CTAGE1: variants seen among roughly 807,000 people sequenced by gnomAD.
CTAGE1 encodes cutaneous T cell lymphoma-associated antigen 1.
For synonymous variants in CTAGE1, 332 were observed against 302.8 expected (o/e 1.10, Z -1.00); for missense variants, 963 against 855.9 (o/e 1.13, Z -1.56).
Position 22,416,219 on chromosome 18 carries a change from T to C in CTAGE1, c.1593A>G (p.Pro531=), listed in dbSNP as rs1338113903. 1.2e-6 allele frequency: 2 copies of C among 1,613,838 alleles called. No individual in the cohort carries two copies. Among genetic ancestry groups the C allele is most frequent in the Admixed American group, 1.7e-5 (1 of 59,990 alleles). The change falls in exon 1 of 1, where the codon CCA becomes CCG. Residue 531 remains proline, a synonymous_variant. Coordinates refer to ENST00000391403, the MANE Select transcript of CTAGE1 (RefSeq NM_172241.3). ...PRGGGRGSRG[P]GNPPDHQITK... ...TAATCTGATGGTCCGGAGGATTCCC[T>C]GGGCCTCTGGAGCCTCTTCCTCCTC...
chr18:22,415,290 C>T lies in CTAGE1; in HGVS notation c.*284G>A, dbSNP rs1276787640. ...TGGATTAATCAAATTAAAAGTTATA[C>T]TATCTAGAATAAAATAAAATGAAAT... On this transcript the variant is annotated 3_prime_UTR_variant, in exon 1 of 1. Transcript: ENST00000391403. 2 of 333,636 alleles carry T rather than the reference C, an allele frequency of 6.0e-6. No homozygotes were observed. The highest frequency in any genetic ancestry group is 1.1e-4 in the East Asian group (2 of 18,220). The allele number at this position is 333,636 out of a possible 1,614,324, so 20.7% of individuals were successfully genotyped here. A position where few individuals can be genotyped will look rare whatever the true frequency, so the allele number is the denominator to read the frequency against.
In CTAGE1 at chr18:22,416,120, C is replaced by T. The variant is rs1335130484; in HGVS notation, c.1692G>A (p.Leu564=). 5.0e-6 allele frequency: 8 copies of T among 1,613,816 alleles called. No homozygotes were observed. The highest frequency in any genetic ancestry group is 6.8e-6 in the Non-Finnish European group (8 of 1,179,864). ...TATAGTCCTGTTCCCACGGAGGTGC[C>T]AGGGGCCCAGCGTCAGAAGGAGCCC... ...PHRAPSDAGP[L]APPWEQDYRM... Residue 564 remains leucine, a synonymous_variant, in exon 1 of 1, where the codon CTG becomes CTA. Transcript: ENST00000391403.
Position 22,415,335 on chromosome 18 carries a change from T to C in CTAGE1, c.*239A>G. On this transcript the variant is annotated 3_prime_UTR_variant, in exon 1 of 1. Transcript: ENST00000391403. ...TGAAATAATTTACTCATAAGATTCA[T>C]ATTTAAATCATCCTCATTTACAAAA... 2.2e-6 allele frequency: 1 copy of C among 459,326 alleles called. No homozygotes were observed. The highest frequency in any genetic ancestry group is 3.5e-5 in the East Asian group (1 of 28,492). The allele number at this position is 459,326 out of a possible 1,614,324, so 28.5% of individuals were successfully genotyped here. A position where few individuals can be genotyped will look rare whatever the true frequency, so the allele number is the denominator to read the frequency against.
chr18:22,415,339 T>C lies in CTAGE1; in HGVS notation c.*235A>G. The C allele has an allele frequency of 2.1e-6, 1 of 465,824 alleles. No homozygotes were observed. Among genetic ancestry groups the C allele is most frequent in the Non-Finnish European group, 3.8e-6 (1 of 263,520 alleles). The allele number at this position is 465,824 out of a possible 1,614,324, so 28.9% of individuals were successfully genotyped here. On this transcript the variant is annotated 3_prime_UTR_variant, in exon 1 of 1. Coordinates refer to ENST00000391403, the MANE Select transcript of CTAGE1 (RefSeq NM_172241.3). ...ATAATTTACTCATAAGATTCATATT[T>C]AAATCATCCTCATTTACAAAATACT...
Position 22,415,823 on chromosome 18 carries a change from T to C in CTAGE1, c.1989A>G (p.Pro663=), listed in dbSNP as rs1303530896. 7 of 1,613,798 alleles carry C rather than the reference T, an allele frequency of 4.3e-6. No individual in the cohort carries two copies. The highest frequency in any genetic ancestry group is 5.9e-6 in the Non-Finnish European group (7 of 1,179,826). ...NEATGPGFVP[P]PLAPIRGLLF... is the part of the protein sequence containing the mutation. ...ATAAACCTCTGATTGGAGCAAGAGG[T>C]GGAGGAACAAAGCCAGGGCCAGTTG... Residue 663 remains proline, a synonymous_variant, in exon 1 of 1, where the codon CCA becomes CCG. Coordinates refer to ENST00000391403, the MANE Select transcript of CTAGE1 (RefSeq NM_172241.3).
Position 22,415,613 on chromosome 18 carries a change from G to T in CTAGE1, c.2199C>A (p.Pro733=), listed in dbSNP as rs1419059463. The change falls in exon 1 of 1, where the codon CCC becomes CCA. Residue 733 remains proline (P), a synonymous_variant. Coordinates refer to ENST00000391403, the MANE Select transcript of CTAGE1 (RefSeq NM_172241.3). ...CTGGGGGGAAAAATGCAGGTCTTGG[G>T]GGACGGTAAGGAAGAAAACCTCTCG... is the stretch of plus-strand genomic sequence containing the variant. The part of the protein sequence containing the change: ...YLPRGFLPYR[P]PRPAFFPPAP... 1.2e-6 allele frequency: 2 copies of T among 1,613,010 alleles called. No homozygotes were observed. The highest frequency in any genetic ancestry group is 1.7e-6 in the Non-Finnish European group (2 of 1,179,476).
chr18:22,416,923 T>C lies in CTAGE1; in HGVS notation c.889A>G (p.Lys297Glu), dbSNP rs2035022225. 1 of 1,613,904 alleles carries C rather than the reference T, an allele frequency of 6.2e-7. No individual in the cohort carries two copies. Among genetic ancestry groups the C allele is most frequent in the Admixed American group, 1.7e-5 (1 of 60,010 alleles). ...IHAAKLNASL[K>E]TLEGERNQIY... ...TGGTTTCTTTCTCCTTCTAAGGTTT[T>C]TAAGGAAGCATTTAACTTAGCAGCA... Residue 297 changes from lysine to glutamate, a missense_variant, in exon 1 of 1, where the codon AAA becomes GAA. By Grantham distance (56) the Lys-to-Glu change is moderately conservative. Transcript: ENST00000391403.
At position 22,417,722 on chromosome 18, in the gene CTAGE1, C is replaced by T; in HGVS notation, c.90G>A (p.Trp30Ter). The part of the protein sequence containing the change: ...VAGFFAVLFL[W>*]RSFRSVTSRL... ...GACTCGTAACTGATCTAAAACTTCT[C>T]CACAAGAAGAGAACAGCAAAAAATC... is the stretch of plus-strand genomic sequence containing the variant. Residue 30 changes from tryptophan to a stop codon, truncating the protein, a stop_gained, in exon 1 of 1, where the codon TGG becomes TGA. Transcript: ENST00000391403. LOFTEE classifies it low-confidence loss of function (END_TRUNC). The T allele has an allele frequency of 6.2e-7, 1 of 1,614,156 alleles. No individual in the cohort carries two copies. The highest frequency in any genetic ancestry group is 8.5e-7 in the Non-Finnish European group (1 of 1,180,000).
chr18:22,417,593 A>G lies in CTAGE1; in HGVS notation c.219T>C (p.Tyr73=), dbSNP rs1025125992. The G allele has an allele frequency of 2.5e-6, 4 of 1,613,854 alleles. No homozygotes were observed. In the African/African-American group the frequency reaches 5.3e-5, roughly 22 times the overall value. The change falls in exon 1 of 1, where the codon TAT becomes TAC. Residue 73 remains tyrosine, a synonymous_variant. Coordinates refer to ENST00000391403, the MANE Select transcript of CTAGE1 (RefSeq NM_172241.3). ...LEKFSLVQKE[Y]EGYEVESSLK... Reference sequence around the variant, plus strand: ...AAGATGACTCTACTTCATAGCCTTCATACTCTTTTTGAACAAGGCTAAATT... The same window carrying G: ...AAGATGACTCTACTTCATAGCCTTCGTACTCTTTTTGAACAAGGCTAAATT...
Position 22,414,976 on chromosome 18 carries a change from T to C in CTAGE1, c.*598A>G, listed in dbSNP as rs555498746. 3.3e-6 allele frequency: 2 copies of C among 599,158 alleles called. No homozygotes were observed. Among genetic ancestry groups the C allele is most frequent in the East Asian group, 5.5e-5 (2 of 36,342 alleles). 37.1% of individuals were successfully genotyped at this position (599,158 alleles called of 1,614,324 possible). ...TAAATGTTTTACACTCTCAAAGTAC[T>C]GAAAGAGGATATAAAATCTATAAGA... On this transcript the variant is annotated 3_prime_UTR_variant, in exon 1 of 1. Transcript: ENST00000391403.
chr18:22,417,633 C>A lies in CTAGE1; in HGVS notation c.179G>T (p.Cys60Phe). 1 of 1,613,994 alleles carries A rather than the reference C, an allele frequency of 6.2e-7. No individual in the cohort carries two copies. The highest frequency in any genetic ancestry group is 8.5e-7 in the Non-Finnish European group (1 of 1,179,872). Residue 60 changes from cysteine (C) to phenylalanine (F), a missense_variant, in exon 1 of 1, where the codon TGT (cysteine) becomes TTT (phenylalanine). Physicochemically the swap from Cys to Phe is radical, Grantham distance 205. Transcript: ENST00000391403. ...AAGGCTAAATTTTTCAAGTAGTTTA[C>A]ATTTTTCTTCAATTAGTCCAGAAAG... ...VALSGLIEEK[C>F]KLLEKFSLVQ...
Position 22,417,351 on chromosome 18 carries a change from T to G in CTAGE1, c.461A>C (p.Lys154Thr). 1 of 1,613,996 alleles carries G rather than the reference T, an allele frequency of 6.2e-7. No individual in the cohort carries two copies. Among genetic ancestry groups the G allele is most frequent in the South Asian group, 1.1e-5 (1 of 91,070 alleles). ...CATTTTGGCTTCAGCTACTTGTGAT[T>G]TGAGGGATTTTGACTCATCTTCTAG... ...QSLEDESKSLKSQVAEAKMTF... is the reference protein window; with the variant it reads ...QSLEDESKSLTSQVAEAKMTF... The change falls in exon 1 of 1, where the codon AAA becomes ACA. Residue 154 changes from lysine (K) to threonine (T), a missense_variant. Coordinates refer to ENST00000391403, the MANE Select transcript of CTAGE1 (RefSeq NM_172241.3).
rs1040111743 is a variant in CTAGE1, at chr18:22,417,396, A to G, written c.416T>C (p.Ile139Thr). Residue 139 changes from isoleucine (I) to threonine (T), a missense_variant, in exon 1 of 1, where the codon ATT (isoleucine) becomes ACT (threonine). Physicochemically the swap from Ile to Thr is moderately conservative, Grantham distance 89 (BLOSUM62 -1). Transcript: ENST00000391403. ...TTCTAGCGACTGTATCCTTTTGGAAATATCCGCCATCAATTCATTTTGTTC... is the reference window on the plus strand; with the variant it reads ...TTCTAGCGACTGTATCCTTTTGGAAGTATCCGCCATCAATTCATTTTGTTC... ...HSEQNELMAD[I>T]SKRIQSLEDE... 16 of 1,613,878 alleles carry G rather than the reference A, an allele frequency of 9.9e-6. No individual in the cohort carries two copies. Among genetic ancestry groups the G allele is most frequent in the Non-Finnish European group, 1.4e-5 (16 of 1,179,880 alleles).
In CTAGE1 at chr18:22,417,664, C is replaced by T; in HGVS notation, c.148G>A (p.Val50Met). 1 of 1,614,052 alleles carries T rather than the reference C, an allele frequency of 6.2e-7. No homozygotes were observed. The highest frequency in any genetic ancestry group is 8.5e-7 in the Non-Finnish European group (1 of 1,179,904). ...LYVRREKKFA[V>M]ALSGLIEEKC... ...TCTTCAATTAGTCCAGAAAGTGCCA[C>T]AGCAAACTTTTTCTCTCTTCTCACA... The change falls in exon 1 of 1, where the codon GTG (valine) becomes ATG (methionine). Residue 50 changes from valine to methionine, a missense_variant. By Grantham distance (21) the Val-to-Met change is conservative. Coordinates refer to ENST00000391403, the MANE Select transcript of CTAGE1 (RefSeq NM_172241.3).
rs761703667 is a variant in CTAGE1, at chr18:22,415,969, G to A, written c.1843C>T (p.Pro615Ser). Residue 615 changes from proline to serine, a missense_variant, in exon 1 of 1, where the codon CCT becomes TCT. Pro to Ser is a moderately conservative substitution (Grantham distance 74). Transcript: ENST00000391403. ...GACCCATCCATTTTATCCAAAGAAGGCATATTAAAACTTCTGAGTTCTGCT... is the reference window on the plus strand; with the variant it reads ...GACCCATCCATTTTATCCAAAGAAGACATATTAAAACTTCTGAGTTCTGCT... The part of the protein sequence containing the change: ...GPAELRSFNM[P>S]SLDKMDGSMP... 1.2e-6 allele frequency: 2 copies of A among 1,613,804 alleles called. No homozygotes were observed. Among genetic ancestry groups the A allele is most frequent in the African/African-American group, 2.7e-5 (2 of 74,902 alleles).
At position 22,415,728 on chromosome 18, in the gene CTAGE1, G is replaced by A. The variant is rs764116396; in HGVS notation, c.2084C>T (p.Thr695Ile). Residue 695 changes from threonine (T) to isoleucine (I), a missense_variant, in exon 1 of 1, where the codon ACC (threonine) becomes ATC (isoleucine). Physicochemically the swap from Thr to Ile is moderately conservative, Grantham distance 89 (BLOSUM62 -1). Coordinates refer to ENST00000391403, the MANE Select transcript of CTAGE1 (RefSeq NM_172241.3). Reference protein sequence around the residue: ...GPPFPPPPPGTVFGASPDYFS... With the variant: ...GPPFPPPPPGIVFGASPDYFS... ...ATAATCTGGAGAAGCTCCAAACACG[G>A]TTCCTGGAGGAGGTGGGGGGAAAGG... 1 of 1,613,948 alleles carries A rather than the reference G, an allele frequency of 6.2e-7. No homozygotes were observed. The highest frequency in any genetic ancestry group is 8.5e-7 in the Non-Finnish European group (1 of 1,179,974).
chr18:22,414,662 G>A lies in CTAGE1; in HGVS notation c.*912C>T. 1 of 702,502 alleles carries A rather than the reference G, an allele frequency of 1.4e-6. No homozygotes were observed. Among genetic ancestry groups the A allele is most frequent in the Non-Finnish European group, 2.6e-6 (1 of 384,906 alleles). The allele number at this position is 702,502 out of a possible 1,614,324, so 43.5% of individuals were successfully genotyped here. A position where few individuals can be genotyped will look rare whatever the true frequency, so the allele number is the denominator to read the frequency against. On this transcript the variant is annotated 3_prime_UTR_variant, in exon 1 of 1. Coordinates refer to ENST00000391403, the MANE Select transcript of CTAGE1 (RefSeq NM_172241.3). The stretch of plus-strand genomic sequence containing the variant: ...AGATTTACTCCTTCCCCTTGCCACA[G>A]CAAGAGAAAAGCAGAACATAAAACT...
In CTAGE1 at chr18:22,414,637, A is replaced by T. The variant is rs1442510058; in HGVS notation, c.*937T>A. The T allele has an allele frequency of 1.4e-6, 1 of 700,300 alleles. No individual in the cohort carries two copies. The highest frequency in any genetic ancestry group is 2.6e-6 in the Non-Finnish European group (1 of 384,408). 43.4% of individuals were successfully genotyped at this position (700,300 alleles called of 1,614,324 possible). A position where few individuals can be genotyped will look rare whatever the true frequency, so the allele number is the denominator to read the frequency against. On this transcript the variant is annotated 3_prime_UTR_variant, in exon 1 of 1. Coordinates refer to ENST00000391403, the MANE Select transcript of CTAGE1 (RefSeq NM_172241.3). ...ACCAACTGCAATTAAGCACTATCTT[A>T]GATTTACTCCTTCCCCTTGCCACAG...
rs1385741498 is a variant in CTAGE1, at chr18:22,414,735, G to A, written c.*839C>T. On this transcript the variant is annotated 3_prime_UTR_variant, in exon 1 of 1. Coordinates refer to ENST00000391403, the MANE Select transcript of CTAGE1 (RefSeq NM_172241.3). ...AGGTAAAGGTTGGGAAAGAAGTCAG[G>A]AGAAACTGATCTATATAATTCTGGG... 1 of 702,904 alleles carries A rather than the reference G, an allele frequency of 1.4e-6. No homozygotes were observed. The highest frequency in any genetic ancestry group is 1.7e-5 in the African/African-American group (1 of 57,262). 43.5% of individuals were successfully genotyped at this position (702,904 alleles called of 1,614,324 possible).
Sources: allele counts gnomAD v4.1 joint callset, GRCh38; gene constraint gnomAD v4.1.1; transcripts MANE v1.5; gene names NCBI Gene and HGNC (gene_info 2026-07-23, HGNC 2026-07-21).